The following GPHN variants were observed in gnomAD, a reference collection of about 807,000 sequenced individuals.
The protein encoded by GPHN is gephyrin.
Under a neutral mutation model 95.5 loss-of-function variants are expected in GPHN, and 17 were observed. That is an observed-to-expected ratio of 0.18 (90% CI 0.12 to 0.27). The LOEUF (loss-of-function observed/expected upper bound fraction) is 0.27, where lower values mean the gene tolerates loss of function less well. GPHN is among the 10% of genes least tolerant of loss of function. The probability of loss-of-function intolerance (pLI) is 1.00; values close to 1 mark genes in which losing one functional copy is unlikely to be tolerated. For synonymous variants in GPHN, 320 were observed against 322.5 expected, an observed-to-expected ratio of 0.99 and a Z score of 0.08; for missense variants, 660 against 978.1, an observed-to-expected ratio of 0.67 and a Z score of 4.34.
At chr14:66,763,220 A>C (rs2058825310) in intron 2 of GPHN, among the ~76,000 whole-genome samples, 1 of 105,094 alleles carries the variant, frequency 9.5e-6, no homozygotes, top group South Asian at 2.9e-4. Context: ...TTTTTTTTTA[A>C]TCTTTTTTTT....
the GPHN span, among the ~76,000 whole-genome samples, chr14:67,278,127 C>G: frequency 6.6e-6 from 1 of 151,636 alleles, no homozygotes; most frequent in African/African-American, 2.4e-5. Context: ...GCCTCTGCCT[C>G]TCAGGTTCAA....
intron 3 of GPHN, among the ~76,000 whole-genome samples, chr14:66,800,234 T>G (rs948363369): frequency 3.9e-5 from 6 of 152,242 alleles, no homozygotes; most frequent in South Asian, 2.1e-4. Flanking sequence ...ATAAGAATAG[T>G]CTGCAAACCC....
intron 1 of GPHN, among the ~76,000 whole-genome samples, chr14:66,548,518 C>G (rs2059690500): frequency 1.3e-5 from 2 of 152,150 alleles, no homozygotes; most frequent in South Asian, 2.1e-4. Context: ...TGAACTGTGT[C>G]CATATAATAT....
At chr14:66,968,589 C>G (rs1479430580) in intron 9 of GPHN, among the ~76,000 whole-genome samples, 1 of 152,096 alleles carries the variant, frequency 6.6e-6, no homozygotes, top group Admixed American at 6.6e-5. Flanking sequence ...CTAGAAAGAG[C>G]ACTTGACTTG....
chr14:67,349,321 T>C, the GPHN span, among the ~76,000 whole-genome samples: 3 of 152,196 alleles, frequency 2.0e-5, no homozygotes, highest in Non-Finnish European at 4.4e-5. Context: ...ACATTAGCAG[T>C]AAGAAAAGAA....
chr14:67,088,563 T>C (rs574603209), intron 11 of GPHN, among the ~76,000 whole-genome samples: 1 of 152,312 alleles, frequency 6.6e-6, no homozygotes, highest in East Asian at 1.9e-4. Flanking sequence ...TGTAAGCAAC[T>C]GTGAAATAAA....
chr14:67,660,404 C>CTA, the GPHN span, among the ~76,000 whole-genome samples: 108 of 152,008 alleles, frequency 7.1e-4, no homozygotes, highest in Non-Finnish European at 2.9e-4. Context: ...GACCTCATCT[C>CTA]TATATATATA....
chr14:67,461,016 A>C, the GPHN span, among the ~76,000 whole-genome samples: 1 of 152,282 alleles, frequency 6.6e-6, no homozygotes, highest in Non-Finnish European at 1.5e-5. Flanking sequence ...GAGGTTAAGT[A>C]ATTTGCCTTC....
the GPHN span, chr14:67,349,188 T>C: frequency 4.6e-6 from 6 of 1,308,342 alleles, no homozygotes; most frequent in Middle Eastern, 1.8e-4. Context: ...TAACATTAAA[T>C]GAGACCAAGA....
intron 10 of GPHN, among the ~76,000 whole-genome samples, chr14:67,030,462 A>G (rs985063016): frequency 3.3e-5 from 5 of 152,120 alleles, no homozygotes; most frequent in African/African-American, 7.2e-5. Context: ...ATTGCTTACT[A>G]TTGGCTTCTG....
At chr14:66,731,335 G>A (rs1170147481) in intron 2 of GPHN, among the ~76,000 whole-genome samples, 4 of 152,184 alleles carry the variant, frequency 2.6e-5, no homozygotes, top group African/African-American at 9.7e-5. Context: ...AAGAAGACAG[G>A]AAAATGTGGG....
intron 17 of GPHN, among the ~76,000 whole-genome samples, chr14:67,128,656 G>A (rs574230935): frequency 1.1e-3 from 166 of 152,182 alleles, no homozygotes; most frequent in African/African-American, 3.8e-3. Context: ...GATGGTAAGG[G>A]CCAGCCACTG....
rs1405857 is a variant in GPHN, at chr14:67,145,042, T to G, written c.1836+1593T>G. ...ATCACAAAGGCTAGGGGCTGAGATC[T>G]GCACTGTAGTACAGCTGAAAGAAAT... On this transcript the variant is annotated intron_variant, in intron 18 of 22. Transcript: ENST00000478722. 3.1e-3 allele frequency among the ~76,000 whole-genome samples: 467 copies of G among 152,358 alleles called. 5 individuals carry two copies. The highest frequency in any genetic ancestry group is 0.011 in the African/African-American group (449 of 41,592).
intron 8 of GPHN, among the ~76,000 whole-genome samples, chr14:66,937,034 T>A (rs1421963801): frequency 6.6e-6 from 1 of 152,182 alleles, no homozygotes; most frequent in African/African-American, 2.4e-5. Flanking sequence ...AGACAGGAGC[T>A]TGCTGTCACC....
intron 4 of GPHN, among the ~76,000 whole-genome samples, chr14:66,869,550 C>T (rs984044918): frequency 6.6e-6 from 1 of 152,186 alleles, no homozygotes; most frequent in Non-Finnish European, 1.5e-5. Context: ...CTACTTCCTA[C>T]GTGGCATTTG....
intron 17 of GPHN, among the ~76,000 whole-genome samples, chr14:67,132,742 T>A (rs2153698306): frequency 6.6e-6 from 1 of 151,998 alleles, no homozygotes; most frequent in East Asian, 1.9e-4. Flanking sequence ...TAGACATTGT[T>A]TTCCTACCCC....
At chr14:66,913,030 T>G (rs1373337921) in intron 5 of GPHN, among the ~76,000 whole-genome samples, 1 of 152,120 alleles carries the variant, frequency 6.6e-6, no homozygotes, top group Non-Finnish European at 1.5e-5. Flanking sequence ...ACCCTCATAG[T>G]TTTTTATCCA....
intron 12 of GPHN, among the ~76,000 whole-genome samples, chr14:67,091,039 T>C (rs1047446299): frequency 1.3e-5 from 2 of 152,002 alleles, no homozygotes; most frequent in Non-Finnish European, 2.9e-5. Flanking sequence ...TATCATATTA[T>C]AAATACATTT....
At chr14:67,025,066 A>G (rs1489227341) in intron 10 of GPHN, among the ~76,000 whole-genome samples, 1 of 152,116 alleles carries the variant, frequency 6.6e-6, no homozygotes, top group Non-Finnish European at 1.5e-5. Flanking sequence ...TCCAATTGTT[A>G]CAGTGAGATA....
Sources: allele counts gnomAD v4.1 joint callset (sites outside exome capture counted in the v4.1 genomes callset), GRCh38; gene constraint gnomAD v4.1.1; transcripts MANE v1.5; gene names NCBI Gene and HGNC (gene_info 2026-07-23, HGNC 2026-07-21).